Variants in CCDC91 observed in about 807,000 individuals in gnomAD.
The protein encoded by CCDC91 is coiled-coil domain containing 91, also known as coiled-coil domain-containing protein 91.
In CCDC91, 48 loss-of-function variants were observed where a neutral mutation model predicts 63.2. The observed-to-expected ratio is 0.76, with a 90% CI of 0.60 to 0.97. The LOEUF (loss-of-function observed/expected upper bound fraction) is 0.97. Among genes scored for constraint, CCDC91 ranks in the 50% least tolerant of loss-of-function variants. CCDC91 has a pLI of 0.00. For missense variants in CCDC91, 500 were observed against 494.6 expected (o/e 1.01, Z -0.10); for synonymous variants, 167 against 165.8 (o/e 1.01, Z -0.06).
Position 28,452,487 on chromosome 12 carries a change from G to T in CCDC91, c.934G>T (p.Glu312Ter), listed in dbSNP as rs1272381069. The T allele has an allele frequency of 6.4e-7, 1 of 1,552,868 alleles. No individual in the cohort carries two copies. Residue 312 changes from glutamate (E) to a stop codon, truncating the protein, a stop_gained, in exon 11 of 13, where the codon GAA becomes TAA. Transcript: ENST00000536442. LOFTEE classifies it high-confidence loss of function. ...TTTATTTATTTTGAAGCTTGAAAAA[G>T]AAGCAGTGAAGGATGCAGTTTTAAA... ...ALVSAAKLEK[E>*]AVKDAVLKVV...
intron 11 of CCDC91, 140 bp downstream of exon 11, chr12:28,452,794 A>G (rs1949875435): frequency 2.6e-6 from 1 of 382,640 alleles, no homozygotes; most frequent in Non-Finnish European, 4.6e-6. Context: ...TTTCATTTTG[A>G]TGTTTATATT....
At chr12:28,505,287 C>G (rs1462855042) in intron 12 of CCDC91, 3 of 151,974 alleles carry the variant, frequency 2.0e-5, no homozygotes, top group Admixed American at 2.0e-4. Context: ...TCCCATCTTA[C>G]TGGCTTCTTC....
chr12:28,360,514 AG>A (rs1471175588), intron 6 of CCDC91, among the ~76,000 whole-genome samples: 4 of 152,184 alleles, frequency 2.6e-5, no homozygotes, highest in African/African-American at 9.7e-5. Flanking sequence ...CAGTGTCAGA[AG>A]GGGAGTGTGT....
chr12:28,436,841 T>C (rs1948934500), intron 8 of CCDC91, among the ~76,000 whole-genome samples: 1 of 151,980 alleles, frequency 6.6e-6, no homozygotes, highest in African/African-American at 2.4e-5. Flanking sequence ...TGCATACTTT[T>C]AGGAATTCAT....
chr12:28,294,382 G>T (rs966204231), intron 3 of CCDC91, among the ~76,000 whole-genome samples: 2 of 152,120 alleles, frequency 1.3e-5, no homozygotes, highest in Non-Finnish European at 2.9e-5. Flanking sequence ...GGTTATGGAG[G>T]TGGTTCCCCC....
At chr12:28,191,125 C>T (rs1170469359) in intron 1 of CCDC91, 1 of 152,276 alleles carries the variant, frequency 6.6e-6, no homozygotes, top group Non-Finnish European at 1.5e-5. Flanking sequence ...ATAAAAGTGG[C>T]ATTTCAGGGT....
intron 12 of CCDC91, among the ~76,000 whole-genome samples, chr12:28,500,190 T>A (rs542017680): frequency 1.7e-5 from 2 of 118,044 alleles, no homozygotes; most frequent in African/African-American, 1.2e-4. Flanking sequence ...TTTGATGGGG[T>A]TTTTTTTTTT....
intron 3 of CCDC91, among the ~76,000 whole-genome samples, chr12:28,261,838 T>C (rs1417404391): frequency 1.3e-5 from 2 of 151,604 alleles, no homozygotes; most frequent in Non-Finnish European, 3.0e-5. Flanking sequence ...CACACACACA[T>C]GCACACACTC....
At chr12:28,448,716 A>G (rs1216280740) in intron 8 of CCDC91, among the ~76,000 whole-genome samples, 2 of 152,026 alleles carry the variant, frequency 1.3e-5, no homozygotes, top group Non-Finnish European at 2.9e-5. Context: ...TTTATTCTGT[A>G]TTTTAATTCT....
intron 7 of CCDC91, among the ~76,000 whole-genome samples, chr12:28,376,201 A>G (rs1339482389): frequency 1.3e-5 from 2 of 151,746 alleles, no homozygotes; most frequent in Non-Finnish European, 3.0e-5. Context: ...TTGTTGGTCA[A>G]TGTATTCTAT....
At position 28,307,698 on chromosome 12, in the gene CCDC91, A is replaced by G; in HGVS notation, c.525A>G (p.Lys175=). The G allele has an allele frequency of 6.3e-7, 1 of 1,593,626 alleles. No homozygotes were observed. ...ATGTCTTAGAAAAAGGCTTTCTAAA[A>G]GAAAAAGAGCAAGAGGCCATTTCTT... ...KHNVLEKGFL[K]EKEQEAISFQ... The change falls in exon 6 of 13, where the codon AAA becomes AAG. Residue 175 remains lysine, a synonymous_variant. Transcript: ENST00000536442.
At chr12:28,339,569 A>G (rs1213522169) in intron 6 of CCDC91, among the ~76,000 whole-genome samples, 4 of 152,150 alleles carry the variant, frequency 2.6e-5, no homozygotes, top group African/African-American at 7.2e-5. Flanking sequence ...AAAAAATACA[A>G]TATAACAAGT....
chr12:28,280,304 T>C (rs1455780964), intron 3 of CCDC91, among the ~76,000 whole-genome samples: 2 of 152,178 alleles, frequency 1.3e-5, no homozygotes, highest in Non-Finnish European at 2.9e-5. Context: ...GTATATTACT[T>C]TCAAATTCTT....
intron 11 of CCDC91, among the ~76,000 whole-genome samples, chr12:28,457,406 A>G (rs1013669525): frequency 1.3e-5 from 2 of 151,146 alleles, no homozygotes; most frequent in African/African-American, 2.4e-5. Flanking sequence ...CTAAAAAGCA[A>G]CCATAATTAA....
intron 8 of CCDC91, among the ~76,000 whole-genome samples, chr12:28,434,337 A>G (rs1948783245): frequency 6.6e-6 from 1 of 151,608 alleles, no homozygotes; most frequent in African/African-American, 2.4e-5. Context: ...GATTTTGTCA[A>G]ATGCTTTATC....
intron 8 of CCDC91, among the ~76,000 whole-genome samples, chr12:28,407,225 C>T (rs1431441946): frequency 6.6e-6 from 1 of 152,162 alleles, no homozygotes; most frequent in African/African-American, 2.4e-5. Flanking sequence ...GCCTGAAGAA[C>T]AGCGAGCCCA....
rs143058115 is a variant in CCDC91, at chr12:28,467,913, G to A, written c.1101+15259G>A. The stretch of plus-strand genomic sequence containing the variant: ...GGAAATTGAAGCATATTATGGAAAC[G>A]CAACATACCAAAACCTATGTGATAC... On this transcript the variant is annotated intron_variant, in intron 11 of 12. Transcript: ENST00000536442. Among the ~76,000 whole-genome samples the A allele has an allele frequency of 1.3e-3, 195 of 151,842 alleles. 1 individual carries two copies. Among genetic ancestry groups the A allele is most frequent in the African/African-American group, 4.5e-3 (186 of 41,516 alleles).
intron 8 of CCDC91, among the ~76,000 whole-genome samples, chr12:28,407,860 T>C (rs1947049459): frequency 3.3e-5 from 5 of 151,990 alleles, no homozygotes; most frequent in Admixed American, 3.3e-4. Flanking sequence ...AGTTTAACTT[T>C]TATAGTTTTT....
intron 7 of CCDC91, among the ~76,000 whole-genome samples, chr12:28,367,618 A>G (rs762501986): frequency 1.7e-4 from 26 of 152,216 alleles, no homozygotes; most frequent in Non-Finnish European, 3.2e-4. Context: ...GCAAAAGATA[A>G]TACTGCATAT....
Sources: allele counts gnomAD v4.1 joint callset (sites outside exome capture counted in the v4.1 genomes callset), GRCh38; gene constraint gnomAD v4.1.1; transcripts MANE v1.5; gene names NCBI Gene and HGNC (gene_info 2026-07-23, HGNC 2026-07-21).